The following CNOT10 variants were observed in gnomAD, a reference collection of about 807,000 sequenced individuals.
CNOT10 encodes CCR4-NOT transcription complex, subunit 10.
CNOT10 carries 30 observed loss-of-function variants against 94.6 expected under a neutral mutation model. The observed-to-expected ratio is 0.32, with a 90% CI of 0.24 to 0.43. CNOT10 has a LOEUF of 0.43. CNOT10 is among the 20% of genes least tolerant of loss of function. The pLI is 1.00. For missense variants in CNOT10, 759 were observed against 877.2 expected (o/e 0.87, Z 1.70); for synonymous variants, 289 against 301.6 (o/e 0.96, Z 0.43).
chr3:32,725,927 A>AGTTTTGTTTTGTTTTGTTTTGTTTT (rs33937831), intron 9 of CNOT10, among the ~76,000 whole-genome samples: 13 of 149,696 alleles, frequency 8.7e-5, no homozygotes, highest in African/African-American at 2.7e-4. Context: ...GGTTTATTAT[A>AGTTTTGTTTTGTTTTGTTTTGTTTT]GTTTTGTTTT....
At chr3:32,733,575 A>G (rs372158694) in intron 11 of CNOT10, 31 bp downstream of exon 11, 311 of 1,366,018 alleles carry the variant, frequency 2.3e-4, no homozygotes, top group Non-Finnish European at 3.1e-4. Context: ...AAGTGTATAT[A>G]TATTTAATAC....
intron 13 of CNOT10, among the ~76,000 whole-genome samples, chr3:32,749,133 A>C (rs551291492): frequency 6.6e-6 from 1 of 152,018 alleles, no homozygotes; most frequent in Non-Finnish European, 1.5e-5. Flanking sequence ...AGAGTTCTTT[A>C]TATGTCCTAG....
At chr3:32,753,484 C>A (rs1700053721) in intron 13 of CNOT10, 1 of 1,561,428 alleles carries the variant, frequency 6.4e-7, no homozygotes, top group Admixed American at 1.7e-5. Flanking sequence ...GGAACTTCAT[C>A]CTATAATACC....
At chr3:32,753,938 A>C in intron 13 of CNOT10, 2 of 1,027,380 alleles carry the variant, frequency 1.9e-6, no homozygotes, top group Admixed American at 2.3e-5. Flanking sequence ...ACACACACAA[A>C]ATATAAAAAT....
At chr3:32,763,318 A>G (rs1700530227) in intron 15 of CNOT10, among the ~76,000 whole-genome samples, 1 of 152,084 alleles carries the variant, frequency 6.6e-6, no homozygotes. Flanking sequence ...TTTTAAAAAT[A>G]AGGAAAGAAA....
chr3:32,726,693 C>CAATAATAAT (rs1559495389), intron 9 of CNOT10, among the ~76,000 whole-genome samples: 1 of 82,862 alleles, frequency 1.2e-5, no homozygotes, highest in Non-Finnish European at 3.0e-5. Flanking sequence ...GAGACTCTGT[C>CAATAATAAT]CATAATAATA....
At chr3:32,711,017 C>T (rs1224834141) in intron 4 of CNOT10, among the ~76,000 whole-genome samples, 1 of 152,194 alleles carries the variant, frequency 6.6e-6, no homozygotes, top group Non-Finnish European at 1.5e-5. Context: ...CATGCCTAGC[C>T]AGTACTCAGA....
rs201984738 is a variant in CNOT10, at chr3:32,734,916, C to T, written c.1454C>T (p.Ala485Val). Residue 485 changes from alanine (A) to valine (V), a missense_variant, in exon 12 of 19, where the codon GCT becomes GTT. Physicochemically the swap from Ala to Val is moderately conservative, Grantham distance 64 (BLOSUM62 0). This residue lies in a region of CNOT10 where 682 missense variants were observed against 799.4 expected (regional missense o/e 0.85). Transcript: ENST00000328834. ...CAAGATCCAAAGCAGGAAAATGGGG[C>T]TAAAAATAGTAATCAATTAGGTGGG... ...EQQDPKQENG[A>V]KNSNQLGGNT... 52 of 1,613,870 alleles carry T rather than the reference C, an allele frequency of 3.2e-5. No homozygotes were observed. Among genetic ancestry groups the T allele is most frequent in the Middle Eastern group, 3.3e-4 (2 of 6,082 alleles).
At chr3:32,709,185 C>A (rs1462713037) in intron 4 of CNOT10, among the ~76,000 whole-genome samples, 1 of 152,078 alleles carries the variant, frequency 6.6e-6, no homozygotes, top group African/African-American at 2.4e-5. Flanking sequence ...TCATTTTTGC[C>A]CTTTGCCTTA....
At chr3:32,685,623 T>C in intron 1 of CNOT10, 141 bp downstream of exon 1, 1 of 893,192 alleles carries the variant, frequency 1.1e-6, no homozygotes, top group African/African-American at 1.7e-5. Context: ...CCATCCTCTG[T>C]CTCGGCTGTC....
chr3:32,686,473 A>G (rs1055247428), intron 1 of CNOT10, among the ~76,000 whole-genome samples: 6 of 152,232 alleles, frequency 3.9e-5, no homozygotes, highest in African/African-American at 1.2e-4. Context: ...AATAAAAATC[A>G]TTAGAGGATC....
At position 32,773,788 on chromosome 3, in the gene CNOT10, G is replaced by A; in HGVS notation, c.*177G>A. The A allele has an allele frequency of 1.8e-6, 1 of 560,376 alleles. No individual in the cohort carries two copies. The highest frequency in any genetic ancestry group is 2.9e-6 in the Non-Finnish European group (1 of 339,170). The allele number at this position is 560,376 out of a possible 1,614,324, so 34.7% of individuals were successfully genotyped here. A position where few individuals can be genotyped will look rare whatever the true frequency, so the allele number is the denominator to read the frequency against. On this transcript the variant is annotated 3_prime_UTR_variant, in exon 19 of 19. Transcript: ENST00000328834. ...TTAAGGATTTACTAAGTCATCATCA[G>A]CTGTTTTTCTTAATTTCAGCCAGAC...
At chr3:32,753,930 A>C in intron 13 of CNOT10, 1 of 1,073,918 alleles carries the variant, frequency 9.3e-7, no homozygotes, top group Non-Finnish European at 1.4e-6. Flanking sequence ...ACACACACAC[A>C]CACACAAAAT....
chr3:32,691,419 C>T (rs1445763413), intron 1 of CNOT10, among the ~76,000 whole-genome samples: 1 of 152,026 alleles, frequency 6.6e-6, no homozygotes, highest in Non-Finnish European at 1.5e-5. Flanking sequence ...CCTCGACCTC[C>T]CAAAGTGCTG....
Position 32,699,423 on chromosome 3 carries a change from T to C in CNOT10, c.23-4445T>C, listed in dbSNP as rs183469395. Among the ~76,000 whole-genome samples the C allele has an allele frequency of 9.3e-4, 141 of 152,336 alleles. 2 individuals are homozygous for C. In the East Asian group the frequency reaches 0.023, roughly 25 times the overall value. ...ATATTTATTTCTAGACATTTAGTAT[T>C]ATCGTTTTAATTTACAATTATTTAA... On this transcript the variant is annotated intron_variant, in intron 1 of 18. Coordinates refer to ENST00000328834, the MANE Select transcript of CNOT10 (RefSeq NM_015442.3).
chr3:32,762,746 T>A lies in CNOT10; in HGVS notation c.1723T>A (p.Leu575Ile). The A allele has an allele frequency of 6.3e-7, 1 of 1,589,540 alleles. No individual in the cohort carries two copies. The highest frequency in any genetic ancestry group is 8.5e-7 in the Non-Finnish European group (1 of 1,173,992). ...TTTTCATTTTAGGTTTTTGGGACATTTATATGCTGCAGAAGCCCTCATCTC... is the reference window on the plus strand; with the variant it reads ...TTTTCATTTTAGGTTTTTGGGACATATATATGCTGCAGAAGCCCTCATCTC... ...LSGSLKFLGH[L>I]YAAEALISLD... The change falls in exon 15 of 19, where the codon TTA becomes ATA. Residue 575 changes from leucine (L) to isoleucine (I), a missense_variant. By Grantham distance (5) the Leu-to-Ile change is conservative. Around this residue, in one of 3 missense-constraint regions of CNOT10, gnomAD observed 682 missense variants for 799.4 expected, o/e 0.85. Transcript: ENST00000328834.
chr3:32,735,217 C>T (rs1198388592), intron 12 of CNOT10, among the ~76,000 whole-genome samples: 1 of 152,044 alleles, frequency 6.6e-6, no homozygotes, highest in Non-Finnish European at 1.5e-5. Context: ...TGGCCGGACG[C>T]AGTGGCTCAT....
intron 1 of CNOT10, among the ~76,000 whole-genome samples, chr3:32,702,887 A>G (rs1354524976): frequency 1.3e-5 from 2 of 151,548 alleles, no homozygotes; most frequent in African/African-American, 4.8e-5. Flanking sequence ...TTATTAGCTT[A>G]TAACATTAAT....
In CNOT10 at chr3:32,754,071, G is replaced by A. The variant is rs543188961; in HGVS notation, c.1596-5387G>A. Among the ~76,000 whole-genome samples the A allele has an allele frequency of 6.7e-4, 102 of 152,186 alleles. 2 individuals carry two copies. The highest frequency in any genetic ancestry group is 5.7e-4 in the Non-Finnish European group (39 of 68,000). On this transcript the variant is annotated intron_variant, in intron 13 of 18. Coordinates refer to ENST00000328834, the MANE Select transcript of CNOT10 (RefSeq NM_015442.3). ...GCCAAGATCATGCCATTGCACTCCAGCCTGGGCAACAAGAGCAAAAAACTC... is the reference window on the plus strand; with the variant it reads ...GCCAAGATCATGCCATTGCACTCCAACCTGGGCAACAAGAGCAAAAAACTC...
Sources: gnomAD v4.1 joint callset for allele counts (sites outside exome capture counted in the v4.1 genomes callset) on GRCh38, gnomAD v4.1.1 for gene constraint, gnomAD v4.1.1 regional missense constraint, MANE v1.5 for transcripts, NCBI Gene and HGNC (gene_info 2026-07-23, HGNC 2026-07-21) for gene names.